NID2: variants seen among roughly 807,000 people sequenced by gnomAD.
The protein encoded by NID2 is nidogen 2.
NID2 carries 83 observed loss-of-function variants against 145.4 expected under a neutral mutation model. That is an observed-to-expected ratio of 0.57 (90% confidence interval 0.48 to 0.69). The LOEUF is 0.69. Ranked by LOEUF, NID2 falls within the 30% of genes least tolerant of loss-of-function variation. The pLI, the probability that NID2 is intolerant of heterozygous loss-of-function variation, is 0.00. For missense variants in NID2, 1,807 were observed against 1,765.7 expected (o/e 1.02, Z -0.42); for synonymous variants, 739 against 701.3 (o/e 1.05, Z -0.85).
At chr14:52,010,660 T>C (rs1890978049) in intron 18 of NID2, 2 of 513,338 alleles carry the variant, frequency 3.9e-6, no homozygotes, top group African/African-American at 3.8e-5. Context: ...ACCAGTCTTG[T>C]TTCCTCCTAA....
chr14:52,027,022 G>A (rs1041199548), intron 12 of NID2, among the ~76,000 whole-genome samples, 179 bp downstream of exon 12: 7 of 152,328 alleles, frequency 4.6e-5, no homozygotes, highest in Admixed American at 4.6e-4. Context: ...TAGTCCAGAG[G>A]AAATCACCCT....
At chr14:52,009,578 A>C (rs1890928528) in intron 18 of NID2, 1 of 152,152 alleles carries the variant, frequency 6.6e-6, no homozygotes. Context: ...TTCATATTTA[A>C]ACTCATGGCT....
In NID2 at chr14:52,036,694, C is replaced by T. The variant is rs184167891; in HGVS notation, c.2257+2053G>A. ...TTATTACCCGTTTTTTGATTATACT[C>T]GACCACATGATGTAAAGTAGTATCT... On this transcript the variant is annotated intron_variant, in intron 9 of 21. Transcript: ENST00000216286. 9.9e-5 allele frequency among the ~76,000 whole-genome samples: 15 copies of T among 152,274 alleles called. No homozygotes were observed. The South Asian group carries it at 2.5e-3, about 25-fold the overall frequency.
In NID2 at chr14:52,044,562, G is replaced by A. The variant is rs185287610; in HGVS notation, c.1430-1631C>T. Among the ~76,000 whole-genome samples, 179 of 151,206 alleles carry A rather than the reference G, an allele frequency of 1.2e-3. 1 individual carries two copies. The highest frequency in any genetic ancestry group is 3.7e-3 in the African/African-American group (152 of 41,144). On this transcript the variant is annotated intron_variant, in intron 5 of 21. Coordinates refer to ENST00000216286, the MANE Select transcript of NID2 (RefSeq NM_007361.4). ...TGGGATAACAGGCGTGAGCCACCCC[G>A]CCCGGCCAACAACTCTTAATTTGCA... is the stretch of plus-strand genomic sequence containing the variant.
At chr14:52,061,945 T>C (rs1341628879) in intron 2 of NID2, among the ~76,000 whole-genome samples, 1 of 152,326 alleles carries the variant, frequency 6.6e-6, no homozygotes, top group African/African-American at 2.4e-5. Context: ...AATGTGACTC[T>C]TAGAAATATT....
intron 5 of NID2, 100 bp from the exon 6 acceptor site, chr14:52,043,031 A>C: frequency 2.6e-6 from 3 of 1,154,102 alleles, no homozygotes; most frequent in Admixed American, 2.0e-5. Flanking sequence ...AGTTTAGATC[A>C]TAACAAACAG....
chr14:52,031,526 G>C (rs1891872377), intron 9 of NID2, among the ~76,000 whole-genome samples: 1 of 152,166 alleles, frequency 6.6e-6, no homozygotes, highest in Non-Finnish European at 1.5e-5. Context: ...TACAAAGGGA[G>C]ATCCATCTAA....
rs768653515 is a variant in NID2, at chr14:52,015,205, G to A, written c.3099C>T (p.Thr1033=). The A allele has an allele frequency of 4.3e-6, 7 of 1,613,980 alleles. No homozygotes were observed. The highest frequency in any genetic ancestry group is 4.2e-6 in the Non-Finnish European group (5 of 1,179,994). Residue 1033 remains threonine (T), a synonymous_variant, in exon 15 of 22, where the codon ACC becomes ACT. Coordinates refer to ENST00000216286, the MANE Select transcript of NID2 (RefSeq NM_007361.4). ...GGGGCACGTACTGGTCATCCCGGGG[G>A]GTGCCACCGTAGTGCTCCAGCAGGT... ...RENLLEHYGG[T]PRDDQYVPQC... is the part of the protein sequence containing the mutation.
At chr14:52,067,755 G>T in intron 2 of NID2, 103 bp downstream of exon 2, 1 of 1,355,822 alleles carries the variant, frequency 7.4e-7, no homozygotes, top group Non-Finnish European at 1.0e-6. Flanking sequence ...TTCAGCGCAA[G>T]AGTAGGCTCA....
chr14:52,020,689 G>A (rs1891374657), intron 12 of NID2, among the ~76,000 whole-genome samples: 1 of 152,062 alleles, frequency 6.6e-6, no homozygotes, highest in Non-Finnish European at 1.5e-5. Flanking sequence ...ATTCTGTCTT[G>A]ACTAATTAGA....
rs375106615 is a variant in NID2 at position 52,017,518 on chromosome 14, TC to T, written c.3028+1542del. Reference sequence around the variant, plus strand: ...GTCATTCACTTCTCAGTCTCTTGGTTCCCCCCCCTTTAAAATCTTGGTTCCC... The same window carrying T: ...GTCATTCACTTCTCAGTCTCTTGGTTCCCCCCCTTTAAAATCTTGGTTCCC... On this transcript the variant is annotated intron_variant, in intron 14 of 21. Transcript: ENST00000216286. Among the ~76,000 whole-genome samples the T allele has an allele frequency of 1.7e-3, 264 of 151,156 alleles. 2 individuals are homozygous for T. The highest frequency in any genetic ancestry group is 5.7e-3 in the African/African-American group (233 of 41,142).
At chr14:52,030,027 G>T (rs8013745) in intron 9 of NID2, among the ~76,000 whole-genome samples, 18,664 of 152,104 alleles carry the variant, frequency 0.12, 1,214 homozygotes, top group East Asian at 0.16. Flanking sequence ...GTGGTGAGTT[G>T]TTTTCCCCAT....
chr14:52,051,190 GA>G (rs3837606), intron 5 of NID2, among the ~76,000 whole-genome samples: 103,204 of 151,922 alleles, frequency 0.68, 35,986 homozygotes, highest in Non-Finnish European at 0.78. Context: ...TCCCTAAGGG[GA>G]AAAAAATGTA....
chr14:52,048,504 G>A (rs941093108), intron 5 of NID2, among the ~76,000 whole-genome samples: 2 of 152,058 alleles, frequency 1.3e-5, no homozygotes, highest in African/African-American at 2.4e-5. Flanking sequence ...AAACCCACCC[G>A]AGGAAAAGTG....
chr14:52,052,693 G>C (rs991235824), intron 5 of NID2, among the ~76,000 whole-genome samples: 2 of 152,208 alleles, frequency 1.3e-5, no homozygotes, highest in Non-Finnish European at 2.9e-5. Flanking sequence ...TGCCACAACA[G>C]TGACAGGAAA....
At chr14:52,046,322 C>CAAAAAA (rs1555365268) in intron 5 of NID2, among the ~76,000 whole-genome samples, 1 of 31,986 alleles carries the variant, frequency 3.1e-5, no homozygotes, top group Non-Finnish European at 4.9e-5. Flanking sequence ...GACTCCATCT[C>CAAAAAA]AAAAAAAAAA....
At position 52,010,965 on chromosome 14, in the gene NID2, C is replaced by T. The variant is rs1186362991; in HGVS notation, c.3633G>A (p.Glu1211=). Residue 1211 remains glutamate, a synonymous_variant, in exon 18 of 22, where the codon GAG becomes GAA. Coordinates refer to ENST00000216286, the MANE Select transcript of NID2 (RefSeq NM_007361.4). ...YWTDSVLDKI[E]SALLDGSERK... is the part of the protein sequence containing the mutation. ...GCTCAGAGCCATCCAGCAGGGCGCT[C>T]TCTATCTTATCCAGGACACTGTCCG... 5 of 1,614,164 alleles carry T rather than the reference C, an allele frequency of 3.1e-6. No homozygotes were observed. Among genetic ancestry groups the T allele is most frequent in the Non-Finnish European group, 4.2e-6 (5 of 1,180,040 alleles).
rs1385141407 is a variant in NID2 at position 52,042,332 on chromosome 14, T to C, written c.1598A>G (p.Asn533Ser). Residue 533 changes from asparagine to serine, a missense_variant, in exon 7 of 22, where the codon AAT becomes AGT. Coordinates refer to ENST00000216286, the MANE Select transcript of NID2 (RefSeq NM_007361.4). ...GTGGAGGTGGCCACTCACTTTCCCATTCACTCGGTGAGGTGCCCCTAAAAG... is the reference window on the plus strand; with the variant it reads ...GTGGAGGTGGCCACTCACTTTCCCACTCACTCGGTGAGGTGCCCCTAAAAG... ...CLPEGAPHRV[N>S]GKVSGHLHVG... 1 of 1,611,712 alleles carries C rather than the reference T, an allele frequency of 6.2e-7. No individual in the cohort carries two copies. Among genetic ancestry groups the C allele is most frequent in the African/African-American group, 1.3e-5 (1 of 74,892 alleles).
At chr14:52,011,149 G>A (rs10146989) in intron 17 of NID2, 102 bp from the exon 18 acceptor site, 348,358 of 1,143,064 alleles carry the variant, frequency 0.3, 53,992 homozygotes, top group East Asian at 0.4. Context: ...GCAGGGGAAA[G>A]CAAAGCCCAA....
Sources: gnomAD v4.1 joint callset for allele counts (sites outside exome capture counted in the v4.1 genomes callset) on GRCh38, gnomAD v4.1.1 for gene constraint, MANE v1.5 for transcripts, NCBI Gene and HGNC (gene_info 2026-07-23, HGNC 2026-07-21) for gene names.